ASIC2: variants seen among roughly 807,000 people sequenced by gnomAD.
ASIC2 encodes the protein acid-sensing ion channel 2.
A neutral mutation model predicts 57.3 loss-of-function variants in ASIC2; 25 were observed. The ratio of observed to expected loss-of-function variants is 0.44; its 90% confidence interval spans 0.32 to 0.61. The LOEUF (loss-of-function observed/expected upper bound fraction) is 0.61, where lower values mean the gene tolerates loss of function less well. Among genes scored for constraint, ASIC2 ranks in the 20% least tolerant of loss-of-function variants. The pLI is 0.06. For missense variants in ASIC2, 641 were observed against 738.1 expected (o/e 0.87, Z 1.52); for synonymous variants, 319 against 307.5 (o/e 1.04, Z -0.39).
At chr17:33,189,003 T>G (rs1303906366) in intron 1 of ASIC2, among the ~76,000 whole-genome samples, 1 of 152,106 alleles carries the variant, frequency 6.6e-6, no homozygotes, top group African/African-American at 2.4e-5. Context: ...AGATGGGGTG[T>G]GGGAGAGGGA....
intron 1 of ASIC2, among the ~76,000 whole-genome samples, chr17:33,126,873 T>C (rs1183288917): frequency 2.2e-5 from 3 of 139,474 alleles, no homozygotes; most frequent in Admixed American, 7.0e-5. Flanking sequence ...TTTTTTTTTT[T>C]TTTTTGAGAC....
rs550024300 is a variant in ASIC2, at chr17:33,856,799, C to T, written c.555+299179G>A. Reference sequence around the variant, plus strand: ...GCCTGAGAGACCGCGACAGGTAGTTCAGGGACCTGTAAGCAGTCATGATGC... The same window carrying T: ...GCCTGAGAGACCGCGACAGGTAGTTTAGGGACCTGTAAGCAGTCATGATGC... On this transcript the variant is annotated intron_variant, in intron 1 of 9. Transcript: ENST00000359872. Among the ~76,000 whole-genome samples, 8 of 152,170 alleles carry T rather than the reference C, an allele frequency of 5.3e-5. No individual in the cohort carries two copies. In the South Asian group the frequency reaches 1.7e-3, roughly 32 times the overall value.
intron 1 of ASIC2, among the ~76,000 whole-genome samples, chr17:33,195,461 A>G (rs907448771): frequency 3.9e-4 from 59 of 152,210 alleles, no homozygotes; most frequent in Non-Finnish European, 1.3e-4. Flanking sequence ...ATTTTGTTAT[A>G]ACTATTATTG....
intron 1 of ASIC2, among the ~76,000 whole-genome samples, chr17:33,474,818 G>C (rs1005635010): frequency 6.6e-6 from 1 of 152,138 alleles, no homozygotes; most frequent in Non-Finnish European, 1.5e-5. Flanking sequence ...TACAGTGTGT[G>C]GGGTATAACT....
intron 1 of ASIC2, among the ~76,000 whole-genome samples, chr17:33,242,291 T>G (rs973599471): frequency 6.8e-6 from 1 of 147,428 alleles, no homozygotes; most frequent in South Asian, 2.2e-4. Flanking sequence ...CACTTCAGCC[T>G]GGGGACAGAG....
intron 1 of ASIC2, among the ~76,000 whole-genome samples, chr17:33,475,093 T>C (rs1913176016): frequency 1.3e-5 from 2 of 151,732 alleles, no homozygotes; most frequent in Non-Finnish European, 1.5e-5. Flanking sequence ...GCCTTTGAAC[T>C]GCTATCTTTC....
chr17:34,019,150 C>T (rs191918388), intron 1 of ASIC2, among the ~76,000 whole-genome samples: 201 of 152,014 alleles, frequency 1.3e-3, no homozygotes, highest in Non-Finnish European at 2.2e-3. Flanking sequence ...CCTCATGATC[C>T]GCCCTCCTTG....
intron 3 of ASIC2, 43 bp from the exon 4 acceptor site, chr17:33,028,435 C>T (rs1567720789): frequency 6.2e-7 from 1 of 1,605,836 alleles, no homozygotes; most frequent in Non-Finnish European, 8.5e-7. Context: ...CCTCAACAGA[C>T]TCAGTAACTC....
At chr17:33,943,211 A>C (rs747354903) in intron 1 of ASIC2, among the ~76,000 whole-genome samples, 6 of 152,204 alleles carry the variant, frequency 3.9e-5, no homozygotes, top group Non-Finnish European at 8.8e-5. Context: ...GTATTAGTCT[A>C]TCTGTCTTTG....
At chr17:33,519,780 T>C (rs1471730563) in intron 1 of ASIC2, among the ~76,000 whole-genome samples, 1 of 152,184 alleles carries the variant, frequency 6.6e-6, no homozygotes, top group African/African-American at 2.4e-5. Flanking sequence ...CTAGACCGTC[T>C]GTCAAACTTG....
chr17:34,023,338 A>C (rs1907253429), intron 1 of ASIC2, among the ~76,000 whole-genome samples: 1 of 150,134 alleles, frequency 6.7e-6, no homozygotes, highest in African/African-American at 2.5e-5. Context: ...TACTTTCTGC[A>C]GTTCTCTGTT....
At chr17:33,336,171 T>C (rs1396348799) in intron 1 of ASIC2, among the ~76,000 whole-genome samples, 2 of 151,986 alleles carry the variant, frequency 1.3e-5, no homozygotes, top group Non-Finnish European at 2.9e-5. Context: ...ATCTCTGAAT[T>C]ATTTCAAAAC....
At chr17:33,615,653 G>A (rs921015828) in intron 1 of ASIC2, among the ~76,000 whole-genome samples, 9 of 152,092 alleles carry the variant, frequency 5.9e-5, no homozygotes, top group East Asian at 3.9e-4. Flanking sequence ...ATAGGTAAGC[G>A]TGTGCCATGG....
intron 1 of ASIC2, among the ~76,000 whole-genome samples, chr17:34,137,974 C>A (rs1466780912): frequency 6.6e-6 from 1 of 152,164 alleles, no homozygotes; most frequent in East Asian, 1.9e-4. Flanking sequence ...AACATTTAGA[C>A]CCCTTTGCAC....
At chr17:34,039,957 C>T (rs1460998791) in intron 1 of ASIC2, 18 of 1,198,922 alleles carry the variant, frequency 1.5e-5, no homozygotes, top group Middle Eastern at 2.7e-4. Context: ...GCTCCGCTCT[C>T]CCCCTGGGCA....
At chr17:33,386,577 A>C (rs1909685266) in intron 1 of ASIC2, among the ~76,000 whole-genome samples, 1 of 152,162 alleles carries the variant, frequency 6.6e-6, no homozygotes, top group African/African-American at 2.4e-5. Flanking sequence ...CACCTCTCTG[A>C]GCTGCAGCCA....
At chr17:33,223,252 G>A (rs113395620) in intron 1 of ASIC2, among the ~76,000 whole-genome samples, 11 of 151,244 alleles carry the variant, frequency 7.3e-5, no homozygotes, top group Non-Finnish European at 1.2e-4. Flanking sequence ...GCGTGATCTC[G>A]GCTCACTGCA....
intron 1 of ASIC2, among the ~76,000 whole-genome samples, chr17:34,048,008 C>G (rs1908403594): frequency 6.6e-6 from 1 of 152,194 alleles, no homozygotes; most frequent in South Asian, 2.1e-4. Flanking sequence ...CTTTCAAAAA[C>G]AGGGAGCTCA....
At chr17:33,905,557 G>A (rs1915330153) in intron 1 of ASIC2, among the ~76,000 whole-genome samples, 1 of 152,158 alleles carries the variant, frequency 6.6e-6, no homozygotes, top group African/African-American at 2.4e-5. Flanking sequence ...TGATGTGCGA[G>A]GACAGATAAT....
Sources: gnomAD v4.1 joint callset for allele counts (sites outside exome capture counted in the v4.1 genomes callset) on GRCh38, gnomAD v4.1.1 for gene constraint, MANE v1.5 for transcripts, NCBI Gene and HGNC (gene_info 2026-07-23, HGNC 2026-07-21) for gene names.